Variants in NDC80 observed in about 807,000 individuals in gnomAD.
NDC80 encodes the protein kinetochore protein NDC80 homolog.
A neutral mutation model predicts 89.3 loss-of-function variants in NDC80; 69 were observed. The ratio of observed to expected loss-of-function variants is 0.77; its 90% CI spans 0.64 to 0.94. The LOEUF (loss-of-function observed/expected upper bound fraction) is 0.94. Ranked by LOEUF, NDC80 falls within the 40% of genes least tolerant of loss-of-function variation. NDC80 has a pLI of 0.00. For missense variants in NDC80, 593 were observed against 739.6 expected, an observed-to-expected ratio of 0.80 and a Z score of 2.30; for synonymous variants, 243 against 255.6, an observed-to-expected ratio of 0.95 and a Z score of 0.47.
chr18:2,606,546 C>G lies in NDC80; in HGVS notation c.1557+39C>G, dbSNP rs757779653. On this transcript the variant is annotated intron_variant, in intron 14 of 16. Transcript: ENST00000261597. ...CACAGTTTGCGTAGGTTATCAAAAG[C>G]TATGTCATGATTGCTTGATGAGTCA... 3.7e-6 allele frequency: 5 copies of G among 1,369,792 alleles called. No individual in the cohort carries two copies. In the South Asian group the frequency reaches 5.1e-5, roughly 14 times the overall value. The allele number at this position is 1,369,792 out of a possible 1,614,324, so 84.9% of individuals were successfully genotyped here.
At chr18:2,572,735 T>A (rs2072523676) in intron 1 of NDC80, among the ~76,000 whole-genome samples, 3 of 152,164 alleles carry the variant, frequency 2.0e-5, no homozygotes, top group African/African-American at 7.2e-5. Flanking sequence ...CACACTCCCC[T>A]ATATATATAG....
rs759141929 is a variant in NDC80 at position 2,616,574 on chromosome 18, A to C, written c.1929A>C (p.Ter643CysextTer2). 1 of 1,382,690 alleles carries C rather than the reference A, an allele frequency of 7.2e-7. No homozygotes were observed. 85.7% of individuals were successfully genotyped at this position (1,382,690 alleles called of 1,614,324 possible). ...KATLIKSSEE[*>C] ...CTCTAATTAAGTCTTCTGAAGAATG[A>C]AGATAAAATGTTGATCATGTATATA... is the stretch of plus-strand genomic sequence containing the variant. Residue 643 changes from the stop codon to cysteine, a stop_lost, in exon 17 of 17, where the codon TGA becomes TGC. Transcript: ENST00000261597.
In NDC80 at chr18:2,588,846, A is replaced by G. The variant is rs538417840; in HGVS notation, c.764-358A>G. ...ATTTATTCAAATAAATATTTTTTGT[A>G]TACCTACTATGTGCCAGCCACCATT... On this transcript the variant is annotated intron_variant, in intron 8 of 16. Transcript: ENST00000261597. Among the ~76,000 whole-genome samples the G allele has an allele frequency of 2.6e-4, 40 of 152,318 alleles. 1 individual carries two copies. The South Asian group carries it at 8.3e-3, about 32-fold the overall frequency.
intron 6 of NDC80, among the ~76,000 whole-genome samples, chr18:2,584,422 A>T (rs1598366084): frequency 1.3e-5 from 2 of 151,822 alleles, no homozygotes; most frequent in East Asian, 3.9e-4. Flanking sequence ...AATTTCATTT[A>T]AATTTTCTAT....
intron 11 of NDC80, 60 bp downstream of exon 11, chr18:2,595,681 C>T: frequency 6.9e-7 from 1 of 1,449,974 alleles, no homozygotes; most frequent in Non-Finnish European, 9.5e-7. Flanking sequence ...GAAGGTCTGT[C>T]CCAATTAAGA....
chr18:2,614,577 G>GGAAGGA (rs1568016200), intron 16 of NDC80: 1 of 3,774 alleles, frequency 2.6e-4, no homozygotes, highest in Non-Finnish European at 6.1e-4. Flanking sequence ...AAGAAAGAAA[G>GGAAGGA]AAAGAAAGAA....
At chr18:2,584,916 G>A (rs999239134) in intron 6 of NDC80, among the ~76,000 whole-genome samples, 197 bp from the exon 7 acceptor site, 1 of 152,092 alleles carries the variant, frequency 6.6e-6, no homozygotes, top group Admixed American at 6.5e-5. Context: ...TGAAATTATC[G>A]AAAGGATACC....
At chr18:2,575,985 G>C (rs974140361) in intron 3 of NDC80, among the ~76,000 whole-genome samples, 7 of 150,558 alleles carry the variant, frequency 4.6e-5, no homozygotes, top group African/African-American at 1.7e-4. Flanking sequence ...TATAATCCTA[G>C]CTACTCAAGA....
rs552027230 is a variant in NDC80 at position 2,596,961 on chromosome 18, G to A, written c.1221+1340G>A. On this transcript the variant is annotated intron_variant, in intron 11 of 16. Coordinates refer to ENST00000261597, the MANE Select transcript of NDC80 (RefSeq NM_006101.3). Reference sequence around the variant, plus strand: ...AAACACCGCATATTCTCACTCATAGGTGGGAATTGAACAATGAGAACACAT... The same window carrying A: ...AAACACCGCATATTCTCACTCATAGATGGGAATTGAACAATGAGAACACAT... Among the ~76,000 whole-genome samples, 945 of 152,124 alleles carry A rather than the reference G, an allele frequency of 6.2e-3. 11 individuals carry two copies. The highest frequency in any genetic ancestry group is 0.022 in the African/African-American group (893 of 41,488).
At chr18:2,614,439 AAAAG>A (rs758768165) in intron 16 of NDC80, 457 of 24,466 alleles carry the variant, frequency 0.019, 35 homozygotes, top group African/African-American at 0.02. Flanking sequence ...CTGTCTCAAA[AAAAG>A]AAAGAAAGAA....
intron 5 of NDC80, among the ~76,000 whole-genome samples, chr18:2,578,578 A>AGT (rs1020058217): frequency 2.8e-4 from 42 of 152,314 alleles, no homozygotes; most frequent in Admixed American, 2.7e-3. Context: ...GTGAAAACAG[A>AGT]GTGTGATGAA....
At chr18:2,596,247 A>G (rs1460809663) in intron 11 of NDC80, among the ~76,000 whole-genome samples, 1 of 152,142 alleles carries the variant, frequency 6.6e-6, no homozygotes, top group Middle Eastern at 3.2e-3. Context: ...CAGCCTACAA[A>G]ATGGGAGAAA....
rs764717893 is a variant in NDC80 at position 2,595,537 on chromosome 18, T to C, written c.1137T>C (p.Thr379=). The change falls in exon 11 of 17, where the codon ACT becomes ACC. Residue 379 remains threonine, a synonymous_variant. Coordinates refer to ENST00000261597, the MANE Select transcript of NDC80 (RefSeq NM_006101.3). ...INHERNELQQ[T]INKLTKDLEA... ...ATGAAAGAAATGAATTGCAGCAGAC[T>C]ATTAATAAATTAACCAAGGACCTGG... 28 of 1,613,830 alleles carry C rather than the reference T, an allele frequency of 1.7e-5. No homozygotes were observed. Among genetic ancestry groups the C allele is most frequent in the Non-Finnish European group, 2.2e-5 (26 of 1,179,870 alleles).
chr18:2,595,400 T>G lies in NDC80; in HGVS notation c.1016-16T>G. 2 of 1,604,504 alleles carry G rather than the reference T, an allele frequency of 1.2e-6. No homozygotes were observed. Among genetic ancestry groups the G allele is most frequent in the Non-Finnish European group, 1.7e-6 (2 of 1,175,232 alleles). On this transcript the variant is annotated splice_polypyrimidine_tract_variant and intron_variant, in intron 10 of 16. Coordinates refer to ENST00000261597, the MANE Select transcript of NDC80 (RefSeq NM_006101.3). ...AATTGAAGATACATTAAAAATTTGG[T>G]TTTTTTCCAACACAGAACTAGAATG...
intron 14 of NDC80, among the ~76,000 whole-genome samples, chr18:2,607,965 G>GTATA (rs3033372): frequency 0.062 from 4,226 of 67,972 alleles, 265 homozygotes; most frequent in Admixed American, 0.079. Context: ...TATATACATA[G>GTATA]TATATATATA....
At chr18:2,581,035 C>T (rs761986090) in intron 6 of NDC80, among the ~76,000 whole-genome samples, 8 of 151,942 alleles carry the variant, frequency 5.3e-5, no homozygotes, top group Non-Finnish European at 1.0e-4. Context: ...CCACCACGCC[C>T]GGCCCTCCAA....
chr18:2,585,306 C>T (rs1000776896), intron 7 of NDC80, 104 bp downstream of exon 7: 1 of 823,286 alleles, frequency 1.2e-6, no homozygotes, highest in Non-Finnish European at 1.9e-6. Context: ...GAGTAATAAA[C>T]CGACTGTAAG....
intron 3 of NDC80, among the ~76,000 whole-genome samples, chr18:2,575,596 A>C (rs1225038387): frequency 6.6e-6 from 1 of 151,962 alleles, no homozygotes; most frequent in Non-Finnish European, 1.5e-5. Flanking sequence ...ACATTGCAAG[A>C]CCCTGTCTCT....
At chr18:2,592,832 C>T (rs2143648821) in intron 10 of NDC80, among the ~76,000 whole-genome samples, 1 of 152,242 alleles carries the variant, frequency 6.6e-6, no homozygotes, top group African/African-American at 2.4e-5. Flanking sequence ...GGATGACTCT[C>T]TTGACCCCTT....
Sources: gnomAD v4.1 joint callset for allele counts (sites outside exome capture counted in the v4.1 genomes callset) on GRCh38, gnomAD v4.1.1 for gene constraint, MANE v1.5 for transcripts, NCBI Gene and HGNC (gene_info 2026-07-23, HGNC 2026-07-21) for gene names.